Variants in GRAMD4 observed in about 807,000 individuals in gnomAD.
GRAMD4 encodes the protein GRAM domain-containing protein 4.
Under a neutral mutation model 83.9 loss-of-function variants are expected in GRAMD4, and 25 were observed. The ratio of observed to expected loss-of-function variants is 0.30; its 90% CI spans 0.22 to 0.42. GRAMD4 has a LOEUF of 0.42. GRAMD4 is among the 10% of genes least tolerant of loss of function. GRAMD4 has a pLI of 1.00. For missense variants in GRAMD4, 593 were observed against 788.7 expected, an observed-to-expected ratio of 0.75 and a Z score of 2.97; for synonymous variants, 336 against 320.9, an observed-to-expected ratio of 1.05 and a Z score of -0.50.
At chr22:46,602,778 T>TTTTTTGA (rs1286530418) in intron 1 of GRAMD4, among the ~76,000 whole-genome samples, 1 of 149,988 alleles carries the variant, frequency 6.7e-6, no homozygotes, top group African/African-American at 2.5e-5. Flanking sequence ...TTTTTTTTTT[T>TTTTTTGA]GAGGCAGAGT....
intron 13 of GRAMD4, chr22:46,671,156 C>T (rs1441432430): frequency 1.3e-5 from 6 of 457,306 alleles, no homozygotes; most frequent in Non-Finnish European, 2.3e-5. Context: ...CCTCCTGGGT[C>T]GGCCACCACG....
chr22:46,597,037 C>T (rs1004801086), intron 1 of GRAMD4, among the ~76,000 whole-genome samples: 2 of 152,188 alleles, frequency 1.3e-5, no homozygotes, highest in Non-Finnish European at 2.9e-5. Context: ...ACTGGTTAAA[C>T]CAGGTCTCCA....
rs141592554 is a variant in GRAMD4, at chr22:46,632,137, C to T, written c.162+5176C>T. ...TGGGACAAAGTGGCTGAGAGTAGAACCCAGACCTGCTTGGGAGGGGAAGGT... is the reference window on the plus strand; with the variant it reads ...TGGGACAAAGTGGCTGAGAGTAGAATCCAGACCTGCTTGGGAGGGGAAGGT... On this transcript the variant is annotated intron_variant, in intron 2 of 18. Coordinates refer to ENST00000406902, the MANE Select transcript of GRAMD4 (RefSeq NM_015124.5). Among the ~76,000 whole-genome samples, 698 of 152,312 alleles carry T rather than the reference C, an allele frequency of 4.6e-3. 8 individuals carry two copies. The highest frequency in any genetic ancestry group is 0.016 in the African/African-American group (655 of 41,562).
At chr22:46,611,109 G>A (rs779002254) in intron 1 of GRAMD4, among the ~76,000 whole-genome samples, 14 of 151,926 alleles carry the variant, frequency 9.2e-5, no homozygotes, top group East Asian at 3.9e-4. Flanking sequence ...CCAGCTACTC[G>A]GAAGGCTGAG....
At chr22:46,649,458 G>A (rs571338598) in intron 3 of GRAMD4, among the ~76,000 whole-genome samples, 103 of 152,236 alleles carry the variant, frequency 6.8e-4, no homozygotes, top group Non-Finnish European at 2.2e-4. Flanking sequence ...AGAGGCAGGC[G>A]TCGGTTTCTG....
At chr22:46,576,939 C>A (rs189586693), upstream of GRAMD4, among the ~76,000 whole-genome samples, 1 of 145,372 alleles carries the variant, frequency 6.9e-6, no homozygotes, top group African/African-American at 2.5e-5. Context: ...CGAGCTGGCG[C>A]ACGCGGACCC....
At chr22:46,675,635 T>A in intron 17 of GRAMD4, 83 bp downstream of exon 17, 1 of 867,760 alleles carries the variant, frequency 1.2e-6, no homozygotes, top group Non-Finnish European at 2.0e-6. Context: ...CCTATAGACT[T>A]CTGCCAGCCT....
At chr22:46,682,486 G>A (rs1440896625), downstream of GRAMD4, 3 of 973,038 alleles carry the variant, frequency 3.1e-6, no homozygotes, top group East Asian at 3.4e-4. Context: ...AGCTCTCGAA[G>A]ACCTGCCTGT....
chr22:46,605,033 G>A (rs2081352082), intron 1 of GRAMD4, among the ~76,000 whole-genome samples: 1 of 114,170 alleles, frequency 8.8e-6, no homozygotes, highest in African/African-American at 3.8e-5. Context: ...GTGCCATAAT[G>A]TTCTCCGGGT....
chr22:46,610,477 G>T lies in GRAMD4; in HGVS notation c.-49-16274G>T, dbSNP rs576758079. Among the ~76,000 whole-genome samples, 132 of 152,380 alleles carry T rather than the reference G, an allele frequency of 8.7e-4. 1 individual carries two copies. Among genetic ancestry groups the T allele is most frequent in the Non-Finnish European group, 1.4e-3 (98 of 68,042 alleles). ...ATTTGCACCACAGCAGAGTTGGGAA[G>T]TTGTAGAGGCCGTGTGGCCTGCTGG... On this transcript the variant is annotated intron_variant, in intron 1 of 1. Coordinates refer to the GRAMD4 transcript ENST00000431155.
chr22:46,674,021 GT>G (rs940300140), intron 15 of GRAMD4, among the ~76,000 whole-genome samples: 1 of 152,228 alleles, frequency 6.6e-6, no homozygotes, highest in African/African-American at 2.4e-5. Context: ...GGGCGTGCCC[GT>G]GGGGAGAGCC....
chr22:46,577,652 C>T (rs1217932776), intron 1 of GRAMD4, among the ~76,000 whole-genome samples: 2 of 151,844 alleles, frequency 1.3e-5, no homozygotes, highest in African/African-American at 2.4e-5. Context: ...GGTATCGGCC[C>T]GGGCCCGCCA....
chr22:46,622,769 T>TG lies in GRAMD4; in HGVS notation c.-50+2206dup, dbSNP rs1402780079. Among the ~76,000 whole-genome samples the TG allele has an allele frequency of 1.3e-4, 20 of 151,936 alleles. No homozygotes were observed. The highest frequency in any genetic ancestry group is 3.9e-4 in the Admixed American group (6 of 15,278). On this transcript the variant is annotated intron_variant, in intron 1 of 18. Transcript: ENST00000406902. The surrounding 1 kb of genome is among the most constrained non-coding windows in gnomAD (Gnocchi z 4.0). Reference sequence around the variant, plus strand: ...TCTACTAAAAATACAAAAAATTAGCTGGTGTGGTGGCGGGTGCCTGTAGTC... The same window carrying TG: ...TCTACTAAAAATACAAAAAATTAGCTGGGTGTGGTGGCGGGTGCCTGTAGTC...
At chr22:46,667,947 G>C (rs1158131774) in intron 10 of GRAMD4, 149 bp from the exon 11 acceptor site, 4 of 627,802 alleles carry the variant, frequency 6.4e-6, no homozygotes, top group Admixed American at 5.5e-5. Flanking sequence ...TGTCCTCCTG[G>C]TGCCAGGTCC....
chr22:46,577,934 C>T (rs1333864775), intron 1 of GRAMD4, among the ~76,000 whole-genome samples: 1 of 152,174 alleles, frequency 6.6e-6, no homozygotes, highest in Non-Finnish European at 1.5e-5. Flanking sequence ...CCCCACATGT[C>T]TAGAGCAGGA....
In GRAMD4 at chr22:46,621,097, G is replaced by GC. The variant is rs1467225083; in HGVS notation, c.-50+533dup. On this transcript the variant is annotated intron_variant, in intron 1 of 18. Coordinates refer to ENST00000406902, the MANE Select transcript of GRAMD4 (RefSeq NM_015124.5). The surrounding 1 kb of genome is among the most constrained non-coding windows in gnomAD (Gnocchi z 5.8). ...ACCGTGGAGGGGGTGGGGATGGGCA[G>GC]CTAGAAGTGGGGAGGGCAGGGGCCG... 2.0e-5 allele frequency among the ~76,000 whole-genome samples: 3 copies of GC among 151,838 alleles called. No individual in the cohort carries two copies. The highest frequency in any genetic ancestry group is 7.3e-5 in the African/African-American group (3 of 41,314).
chr22:46,672,826 G>A lies in GRAMD4; in HGVS notation c.1085-17G>A, dbSNP rs781170407. ...TGCAGAGCTCTAGATGGAGCAGGCTGTGTCCCCTGCCCTCAGGACTCTATG... is the reference window on the plus strand; with the variant it reads ...TGCAGAGCTCTAGATGGAGCAGGCTATGTCCCCTGCCCTCAGGACTCTATG... On this transcript the variant is annotated splice_polypyrimidine_tract_variant and intron_variant, in intron 13 of 18. Coordinates refer to ENST00000406902, the MANE Select transcript of GRAMD4 (RefSeq NM_015124.5). This position sits in a 1 kb window ranked among gnomAD's most constrained non-coding sequence, Gnocchi z 4.7. 3 of 1,601,310 alleles carry A rather than the reference G, an allele frequency of 1.9e-6. No individual in the cohort carries two copies. In the Admixed American group the frequency reaches 5.0e-5, roughly 27 times the overall value.
At chr22:46,614,308 C>G (rs1601560156) in intron 1 of GRAMD4, among the ~76,000 whole-genome samples, 1 of 152,174 alleles carries the variant, frequency 6.6e-6, no homozygotes, top group African/African-American at 2.4e-5. Context: ...CCTCACTTCT[C>G]CTTGTGTTGG....
Position 46,658,368 on chromosome 22 carries a change from C to T in GRAMD4, c.404+61C>T, listed in dbSNP as rs865965085. 1.2e-4 allele frequency: 169 copies of T among 1,466,824 alleles called. No individual in the cohort carries two copies. In the African/African-American group the frequency reaches 1.7e-3, roughly 15 times the overall value. 90.9% of individuals were successfully genotyped at this position (1,466,824 alleles called of 1,614,324 possible). A position where few individuals can be genotyped will look rare whatever the true frequency, so the allele number is the denominator to read the frequency against. ...GGCTGCCCCAACCCCCCACCCCACC[C>T]GCCCCGCCGTCCTCTGCTGCACCCA... On this transcript the variant is annotated intron_variant, in intron 4 of 18. Coordinates refer to ENST00000406902, the MANE Select transcript of GRAMD4 (RefSeq NM_015124.5).
Sources: gnomAD v4.1 joint callset for allele counts (sites outside exome capture counted in the v4.1 genomes callset) on GRCh38, gnomAD v4.1.1 for gene constraint, Gnocchi (gnomAD v3.1) non-coding constraint, MANE v1.5 for transcripts, NCBI Gene and HGNC (gene_info 2026-07-23, HGNC 2026-07-21) for gene names.